The following LRRC4C variants were observed in gnomAD, a reference collection of about 807,000 sequenced individuals.
LRRC4C encodes leucine-rich repeat-containing protein 4C.
LRRC4C carries 5 observed loss-of-function variants against 33.6 expected under a neutral mutation model. The observed-to-expected ratio is 0.15, with a 90% CI of 0.08 to 0.31. The LOEUF (loss-of-function observed/expected upper bound fraction) is 0.31, where lower values mean the gene tolerates loss of function less well. LRRC4C is among the 10% of genes least tolerant of loss of function. The probability of loss-of-function intolerance (pLI) is 1.00; values close to 1 mark genes in which losing one functional copy is unlikely to be tolerated. For synonymous variants in LRRC4C, 329 were observed against 302.0 expected (o/e 1.09, Z -0.93); for missense variants, 560 against 796.7 (o/e 0.70, Z 3.58).
chr11:40,484,972 C>A (rs1365998383), intron 3 of LRRC4C, among the ~76,000 whole-genome samples: 1 of 151,994 alleles, frequency 6.6e-6, no homozygotes, highest in African/African-American at 2.4e-5. Flanking sequence ...AGTTTGCTAA[C>A]ACTATTTGTT....
intron 1 of LRRC4C, among the ~76,000 whole-genome samples, chr11:41,375,091 C>A (rs1251532326): frequency 6.6e-6 from 1 of 152,110 alleles, no homozygotes; most frequent in African/African-American, 2.4e-5. Flanking sequence ...GGTACCACTG[C>A]ACTCCAGCCT....
chr11:41,176,139 G>A (rs1282145737), intron 1 of LRRC4C, among the ~76,000 whole-genome samples: 1 of 152,006 alleles, frequency 6.6e-6, no homozygotes, highest in Admixed American at 6.6e-5. Flanking sequence ...CATTCTCATA[G>A]CTGCCCAAAA....
At chr11:40,849,191 A>C (rs367630568) in intron 2 of LRRC4C, among the ~76,000 whole-genome samples, 92 of 152,272 alleles carry the variant, frequency 6.0e-4, no homozygotes, top group African/African-American at 2.1e-3. Flanking sequence ...TTATGATGCT[A>C]GCTGGTTATT....
chr11:40,135,332 T>A (rs1176309126), intron 6 of LRRC4C, among the ~76,000 whole-genome samples: 1 of 152,220 alleles, frequency 6.6e-6, no homozygotes, highest in African/African-American at 2.4e-5. Context: ...AACCAAGTTT[T>A]CTTTTTTGCA....
chr11:40,713,516 T>G (rs1946564126), intron 2 of LRRC4C, among the ~76,000 whole-genome samples: 1 of 152,148 alleles, frequency 6.6e-6, no homozygotes, highest in Non-Finnish European at 1.5e-5. Context: ...TTTGAACAAG[T>G]GACACAAGAA....
At chr11:40,714,266 T>A (rs1043711281) in intron 2 of LRRC4C, among the ~76,000 whole-genome samples, 17 of 152,174 alleles carry the variant, frequency 1.1e-4, no homozygotes, top group African/African-American at 3.4e-4. Flanking sequence ...TACCATGATA[T>A]TGTACAAGAA....
chr11:41,103,642 G>A (rs546704477), intron 1 of LRRC4C, among the ~76,000 whole-genome samples: 1 of 152,032 alleles, frequency 6.6e-6, no homozygotes, highest in Admixed American at 6.6e-5. Flanking sequence ...CCAAGGGATA[G>A]GCAATGCTCC....
At chr11:40,501,751 G>T (rs1396384870) in intron 3 of LRRC4C, among the ~76,000 whole-genome samples, 1 of 152,116 alleles carries the variant, frequency 6.6e-6, no homozygotes, top group African/African-American at 2.4e-5. Context: ...TGCCACGAAG[G>T]TCTCTGATAT....
intron 1 of LRRC4C, among the ~76,000 whole-genome samples, chr11:41,410,527 A>G (rs1025690726): frequency 6.7e-6 from 1 of 149,162 alleles, no homozygotes; most frequent in East Asian, 2.0e-4. Context: ...TGCAAGCTCC[A>G]CCTTCTGGGT....
chr11:41,277,867 C>T (rs779450993), intron 1 of LRRC4C, among the ~76,000 whole-genome samples: 2 of 151,706 alleles, frequency 1.3e-5, no homozygotes, highest in South Asian at 2.1e-4. Context: ...CATAAGCACA[C>T]GTTAGAATCA....
At chr11:40,564,789 A>T (rs1422158439) in intron 3 of LRRC4C, among the ~76,000 whole-genome samples, 1 of 152,204 alleles carries the variant, frequency 6.6e-6, no homozygotes, top group East Asian at 1.9e-4. Context: ...CTGTCAAGAC[A>T]CCTGGACTCC....
intron 2 of LRRC4C, among the ~76,000 whole-genome samples, chr11:40,782,934 G>T (rs1349229585): frequency 6.6e-6 from 1 of 152,036 alleles, no homozygotes; most frequent in Non-Finnish European, 1.5e-5. Flanking sequence ...GTATATGTGT[G>T]TGTATTTTAT....
intron 2 of LRRC4C, among the ~76,000 whole-genome samples, chr11:40,793,452 C>T (rs1950706375): frequency 2.0e-5 from 3 of 152,186 alleles, no homozygotes; most frequent in African/African-American, 7.2e-5. Flanking sequence ...TATATAGTAA[C>T]ATCATCTTTG....
chr11:40,525,923 C>G (rs1350669308), intron 3 of LRRC4C, among the ~76,000 whole-genome samples: 1 of 152,110 alleles, frequency 6.6e-6, no homozygotes, highest in East Asian at 1.9e-4. Flanking sequence ...GGGACTAGAA[C>G]AGATTCACAC....
intron 1 of LRRC4C, among the ~76,000 whole-genome samples, chr11:41,132,049 T>C (rs12284631): frequency 6.6e-6 from 1 of 152,248 alleles, no homozygotes; most frequent in Admixed American, 6.5e-5. Flanking sequence ...ATTCTTTTAT[T>C]CCTTTACTTT....
chr11:40,396,088 T>C (rs1034638960), intron 3 of LRRC4C, among the ~76,000 whole-genome samples: 2 of 152,152 alleles, frequency 1.3e-5, no homozygotes, highest in African/African-American at 4.8e-5. Flanking sequence ...CAATGCCATG[T>C]TTTTATGGAA....
At chr11:41,172,846 C>T (rs1945034716) in intron 1 of LRRC4C, among the ~76,000 whole-genome samples, 1 of 151,996 alleles carries the variant, frequency 6.6e-6, no homozygotes, top group East Asian at 1.9e-4. Flanking sequence ...ATTAAGAATT[C>T]TTAATGTAGT....
At chr11:40,781,208 T>C (rs1950198470) in intron 2 of LRRC4C, among the ~76,000 whole-genome samples, 1 of 152,078 alleles carries the variant, frequency 6.6e-6, no homozygotes, top group South Asian at 2.1e-4. Context: ...ATAGAAAAGG[T>C]ACAGTAAAAT....
At chr11:40,326,456 G>A (rs1346393278) in intron 3 of LRRC4C, among the ~76,000 whole-genome samples, 1 of 151,888 alleles carries the variant, frequency 6.6e-6, no homozygotes, top group Non-Finnish European at 1.5e-5. Flanking sequence ...CAGCTACTCA[G>A]GAGGCTGAGG....
Sources: gnomAD v4.1 joint callset for allele counts (sites outside exome capture counted in the v4.1 genomes callset) on GRCh38, gnomAD v4.1.1 for gene constraint, MANE v1.5 for transcripts, NCBI Gene and HGNC (gene_info 2026-07-23, HGNC 2026-07-21) for gene names.